GPHN: variants seen among roughly 807,000 people sequenced by gnomAD.
The protein encoded by GPHN is gephyrin.
A neutral mutation model predicts 95.5 loss-of-function variants in GPHN; 17 were observed. The observed-to-expected ratio is 0.18, with a 90% CI of 0.12 to 0.27. The LOEUF (loss-of-function observed/expected upper bound fraction) is 0.27. Among genes scored for constraint, GPHN ranks in the 10% least tolerant of loss-of-function variants. The pLI, the probability that GPHN is intolerant of heterozygous loss-of-function variation, is 1.00. For missense variants in GPHN, 660 were observed against 978.1 expected (o/e 0.67, Z 4.34); for synonymous variants, 320 against 322.5 (o/e 0.99, Z 0.08).
At chr14:66,782,648 T>A (rs1341948606) in intron 3 of GPHN, among the ~76,000 whole-genome samples, 1 of 152,148 alleles carries the variant, frequency 6.6e-6, no homozygotes, top group African/African-American at 2.4e-5. Flanking sequence ...TGGAACCCTG[T>A]CTCTACTAAA....
At chr14:67,555,846 C>G in the GPHN span, 2 of 1,613,342 alleles carry the variant, frequency 1.2e-6, no homozygotes, top group Non-Finnish European at 1.7e-6. Context: ...GGAGCAGAGG[C>G]TGCTGGAGGC....
intron 8 of GPHN, among the ~76,000 whole-genome samples, chr14:66,930,715 A>G (rs2066744377): frequency 6.6e-6 from 1 of 152,014 alleles, no homozygotes; most frequent in Non-Finnish European, 1.5e-5. Flanking sequence ...TTGTAAAGAC[A>G]GGGTTTCACT....
intron 1 of GPHN, among the ~76,000 whole-genome samples, chr14:66,561,225 G>A (rs558037438): frequency 1.3e-5 from 2 of 152,240 alleles, no homozygotes; most frequent in South Asian, 2.1e-4. Context: ...GTCTCTGCCC[G>A]GCTTTGGTAT....
At chr14:66,568,454 A>G (rs977659155) in intron 1 of GPHN, among the ~76,000 whole-genome samples, 7 of 152,194 alleles carry the variant, frequency 4.6e-5, no homozygotes, top group South Asian at 2.1e-4. Flanking sequence ...TATACCGTCT[A>G]TATTTCCAGA....
At chr14:67,673,879 T>C in the GPHN span, among the ~76,000 whole-genome samples, 1 of 152,238 alleles carries the variant, frequency 6.6e-6, no homozygotes, top group Non-Finnish European at 1.5e-5. Flanking sequence ...CACATCTAAA[T>C]GCCACAATCA....
At chr14:66,992,782 A>G (rs1044155672) in intron 9 of GPHN, among the ~76,000 whole-genome samples, 1 of 152,152 alleles carries the variant, frequency 6.6e-6, no homozygotes, top group African/African-American at 2.4e-5. Flanking sequence ...TTGTGGAGAA[A>G]CATAAAAAGA....
the GPHN span, among the ~76,000 whole-genome samples, chr14:67,626,034 A>ACCATG: frequency 6.6e-6 from 1 of 152,104 alleles, no homozygotes; most frequent in African/African-American, 2.4e-5. Flanking sequence ...CGGGCAGATC[A>ACCATG]TTTCAGGTCA....
At chr14:67,447,501 G>T in the GPHN span, 1 of 152,206 alleles carries the variant, frequency 6.6e-6, no homozygotes, top group Admixed American at 6.5e-5. Context: ...GTAAGACAAA[G>T]ACTGTGTTAG....
intron 2 of GPHN, among the ~76,000 whole-genome samples, chr14:66,758,189 C>A (rs113259982): frequency 0.031 from 4,663 of 152,294 alleles, 117 homozygotes; most frequent in African/African-American, 0.068. Context: ...AAGGCTGCCA[C>A]ACAGGAAGAC....
the GPHN span, among the ~76,000 whole-genome samples, chr14:67,394,671 G>A: frequency 3.3e-5 from 5 of 152,284 alleles, no homozygotes; most frequent in African/African-American, 1.2e-4. Context: ...TGCCTGGGAG[G>A]TTGGTGGAGA....
the GPHN span, among the ~76,000 whole-genome samples, chr14:67,664,798 A>G: frequency 6.6e-6 from 1 of 152,120 alleles, no homozygotes; most frequent in African/African-American, 2.4e-5. Flanking sequence ...TTATGGAGAA[A>G]TGGCATGTGG....
chr14:67,302,083 A>G, the GPHN span: 1 of 1,608,002 alleles, frequency 6.2e-7, no homozygotes, highest in Non-Finnish European at 8.5e-7. Context: ...AACTGTAAAA[A>G]TAGTTCGTAT....
chr14:66,596,624 C>G (rs2061984099), intron 1 of GPHN, among the ~76,000 whole-genome samples: 1 of 152,212 alleles, frequency 6.6e-6, no homozygotes, highest in African/African-American at 2.4e-5. Context: ...TTGGCCACAA[C>G]TTTGCTTCAA....
chr14:66,995,036 G>T (rs982411645), intron 9 of GPHN, among the ~76,000 whole-genome samples: 3 of 152,096 alleles, frequency 2.0e-5, no homozygotes, highest in African/African-American at 7.2e-5. Context: ...AAGTGCATTT[G>T]TGATTCTTCT....
At chr14:66,732,994 T>C (rs1487628859) in intron 2 of GPHN, among the ~76,000 whole-genome samples, 1 of 152,180 alleles carries the variant, frequency 6.6e-6, no homozygotes, top group Non-Finnish European at 1.5e-5. Context: ...AGGGGTGGAA[T>C]GATACAGTTC....
intron 9 of GPHN, among the ~76,000 whole-genome samples, chr14:66,988,512 T>C (rs2071179883): frequency 6.6e-6 from 1 of 152,060 alleles, no homozygotes. Context: ...TGTTCTGAGT[T>C]AATAGACTTA....
At chr14:66,819,537 T>TCATG (rs1356701773) in intron 3 of GPHN, among the ~76,000 whole-genome samples, 5 of 152,116 alleles carry the variant, frequency 3.3e-5, no homozygotes, top group Admixed American at 1.3e-4. Flanking sequence ...TGTGCCAATA[T>TCATG]CATGCTGTTT....
intron 2 of GPHN, among the ~76,000 whole-genome samples, chr14:66,715,357 A>C (rs552529195): frequency 1.3e-5 from 2 of 151,504 alleles, no homozygotes; most frequent in East Asian, 3.9e-4. Flanking sequence ...GCTTATTTGG[A>C]TTTTTTGTCT....
chr14:67,120,040 C>T (rs891620867), intron 16 of GPHN, among the ~76,000 whole-genome samples: 21 of 151,420 alleles, frequency 1.4e-4, no homozygotes, highest in Non-Finnish European at 2.5e-4. Context: ...GTAGGAAGAT[C>T]GCTTGAACCC....
Sources: gnomAD v4.1 joint callset for allele counts (sites outside exome capture counted in the v4.1 genomes callset) on GRCh38, gnomAD v4.1.1 for gene constraint, MANE v1.5 for transcripts, NCBI Gene and HGNC (gene_info 2026-07-23, HGNC 2026-07-21) for gene names.